ESR1: variants seen among roughly 807,000 people sequenced by gnomAD.
ESR1 encodes estrogen receptor 1, also known as estrogen receptor.
ESR1 carries 12 observed loss-of-function variants against 52.7 expected under a neutral mutation model. That is an observed-to-expected ratio of 0.23 (90% CI 0.15 to 0.37). ESR1 has a LOEUF of 0.37. Among genes scored for constraint, ESR1 ranks in the 10% least tolerant of loss-of-function variants. ESR1 has a pLI of 1.00. For synonymous variants in ESR1, 305 were observed against 316.8 expected, an observed-to-expected ratio of 0.96 and a Z score of 0.39; for missense variants, 584 against 779.7, an observed-to-expected ratio of 0.75 and a Z score of 2.99.
intron 6 of ESR1, among the ~76,000 whole-genome samples, chr6:152,088,331 C>T (rs1055677393): frequency 1.3e-5 from 2 of 151,962 alleles, no homozygotes; most frequent in African/African-American, 2.4e-5. Context: ...AGATGGACAC[C>T]AGACTGAGAA....
At chr6:151,963,032 C>A (rs542827176) in intron 4 of ESR1, among the ~76,000 whole-genome samples, 21 of 152,190 alleles carry the variant, frequency 1.4e-4, no homozygotes, top group African/African-American at 4.8e-4. Context: ...TTAAAAAACA[C>A]TTTTTCTGGT....
At chr6:151,796,007 C>G (rs201988938) in intron 2 of ESR1, among the ~76,000 whole-genome samples, 7 of 147,888 alleles carry the variant, frequency 4.7e-5, no homozygotes, top group East Asian at 2.0e-4. Context: ...AAAAAAAAAC[C>G]AAAACACAAT....
intron 2 of ESR1, among the ~76,000 whole-genome samples, chr6:151,853,925 A>G (rs528019003): frequency 5.9e-5 from 9 of 152,276 alleles, no homozygotes; most frequent in Non-Finnish European, 1.0e-4. Context: ...TTCCCATAAA[A>G]ATTATAGATA....
chr6:151,891,437 G>T (rs1794685481), intron 3 of ESR1, among the ~76,000 whole-genome samples: 1 of 152,200 alleles, frequency 6.6e-6, no homozygotes, highest in Non-Finnish European at 1.5e-5. Flanking sequence ...TTATATGAAT[G>T]AATTGCTACT....
intron 1 of ESR1, among the ~76,000 whole-genome samples, chr6:151,675,014 A>G (rs1033031719): frequency 1.7e-4 from 26 of 152,238 alleles, no homozygotes; most frequent in African/African-American, 6.3e-4. Flanking sequence ...GGTTTATGAA[A>G]ATAAATGTTT....
At chr6:152,014,996 G>A (rs2043061002) in intron 5 of ESR1, among the ~76,000 whole-genome samples, 1 of 152,118 alleles carries the variant, frequency 6.6e-6, no homozygotes, top group African/African-American at 2.4e-5. Context: ...GAACATGGGA[G>A]GCAGACGTTG....
At chr6:151,867,492 A>G (rs1004820553) in intron 2 of ESR1, among the ~76,000 whole-genome samples, 18 of 152,130 alleles carry the variant, frequency 1.2e-4, no homozygotes, top group African/African-American at 4.1e-4. Flanking sequence ...ACAGTTCTCA[A>G]AAGAAGACAT....
chr6:151,838,765 T>G (rs3853250), intron 1 of ESR1, among the ~76,000 whole-genome samples: 70,522 of 151,912 alleles, frequency 0.46, 16,697 homozygotes, highest in African/African-American at 0.53. Context: ...TCCTTTATGG[T>G]TAGTGAATAT....
intron 1 of ESR1, among the ~76,000 whole-genome samples, chr6:151,662,455 A>G (rs1458806501): frequency 6.6e-6 from 1 of 152,158 alleles, no homozygotes; most frequent in Non-Finnish European, 1.5e-5. Flanking sequence ...CATGCCCCCA[A>G]TCAGTAGTGG....
intron 1 of ESR1, among the ~76,000 whole-genome samples, chr6:151,701,233 AT>A (rs1051559563): frequency 8.0e-5 from 12 of 150,750 alleles, no homozygotes; most frequent in Non-Finnish European, 1.6e-4. Context: ...TTAATTTCTA[AT>A]GGCAAAATGG....
chr6:152,002,556 C>T (rs933128256), intron 4 of ESR1, among the ~76,000 whole-genome samples: 1 of 151,948 alleles, frequency 6.6e-6, no homozygotes, highest in Non-Finnish European at 1.5e-5. Flanking sequence ...TCAGGTAACT[C>T]GGAATCACTC....
At chr6:151,822,877 A>G (rs998259190) in intron 1 of ESR1, among the ~76,000 whole-genome samples, 2 of 152,312 alleles carry the variant, frequency 1.3e-5, no homozygotes, top group South Asian at 2.1e-4. Flanking sequence ...TTGCTTAATT[A>G]TGTCCGAAAC....
intron 2 of ESR1, among the ~76,000 whole-genome samples, chr6:151,846,298 T>G (rs1785109832): frequency 6.6e-6 from 1 of 152,252 alleles, no homozygotes; most frequent in South Asian, 2.1e-4. Flanking sequence ...AAGTAATTGA[T>G]TTCCTTTATA....
chr6:151,691,985 T>C (rs945180432), intron 1 of ESR1, among the ~76,000 whole-genome samples: 1 of 152,142 alleles, frequency 6.6e-6, no homozygotes, highest in Non-Finnish European at 1.5e-5. Flanking sequence ...ATAAAAACAA[T>C]GTAGGTAAAA....
intron 3 of ESR1, among the ~76,000 whole-genome samples, chr6:151,941,250 G>A (rs145621197): frequency 3.9e-5 from 6 of 152,080 alleles, no homozygotes; most frequent in Admixed American, 6.5e-5. Flanking sequence ...CTGTAGATCC[G>A]CTATTAAAGA....
chr6:152,104,829 C>T (rs183851662), downstream of ESR1, among the ~76,000 whole-genome samples: 1 of 152,174 alleles, frequency 6.6e-6, no homozygotes, highest in African/African-American at 2.4e-5. Flanking sequence ...GATGGGGAAT[C>T]AGCCATGGCA....
At chr6:151,837,270 T>A (rs2128224797) in intron 1 of ESR1, among the ~76,000 whole-genome samples, 1 of 152,090 alleles carries the variant, frequency 6.6e-6, no homozygotes, top group Middle Eastern at 3.4e-3. Flanking sequence ...TGGCTTATTT[T>A]TGTATTTTTA....
intron 6 of ESR1, among the ~76,000 whole-genome samples, chr6:152,109,468 C>A (rs1455008740): frequency 6.6e-6 from 1 of 151,236 alleles, no homozygotes; most frequent in Non-Finnish European, 1.5e-5. Context: ...GAGTTTGAGA[C>A]CAGTCTGGGC....
chr6:151,897,261 T>G (rs899119637), intron 3 of ESR1, among the ~76,000 whole-genome samples: 1 of 152,220 alleles, frequency 6.6e-6, no homozygotes, highest in Non-Finnish European at 1.5e-5. Context: ...ATGACCTGTC[T>G]AGTATTGTCA....
Sources: allele counts gnomAD v4.1 joint callset (sites outside exome capture counted in the v4.1 genomes callset), GRCh38; gene constraint gnomAD v4.1.1; transcripts MANE v1.5; gene names NCBI Gene and HGNC (gene_info 2026-07-23, HGNC 2026-07-21).